ANO3: variants seen among roughly 807,000 people sequenced by gnomAD.
ANO3 encodes anoctamin 3.
A neutral mutation model predicts 144.8 loss-of-function variants in ANO3; 99 were observed. The ratio of observed to expected loss-of-function variants is 0.68; its 90% CI spans 0.58 to 0.81. The LOEUF is 0.81. Among genes scored for constraint, ANO3 ranks in the 30% least tolerant of loss-of-function variants. The pLI, the probability that ANO3 is intolerant of heterozygous loss-of-function variation, is 0.00. For synonymous variants in ANO3, 414 were observed against 392.6 expected, an observed-to-expected ratio of 1.05 and a Z score of -0.64; for missense variants, 905 against 1,202.2, an observed-to-expected ratio of 0.75 and a Z score of 3.66.
At chr11:26,610,829 T>G (rs1380505245) in intron 17 of ANO3, among the ~76,000 whole-genome samples, 1 of 152,140 alleles carries the variant, frequency 6.6e-6, no homozygotes, top group African/African-American at 2.4e-5. Context: ...ATTATTGGAG[T>G]GTCCAGATCT....
At chr11:26,214,112 T>G (rs1319381274) in intron 1 of ANO3, among the ~76,000 whole-genome samples, 4 of 151,970 alleles carry the variant, frequency 2.6e-5, no homozygotes, top group Non-Finnish European at 5.9e-5. Context: ...TTTCCAAATA[T>G]TTTTCCATGA....
chr11:26,350,611 T>C (rs1020406736), intron 1 of ANO3, among the ~76,000 whole-genome samples: 14 of 152,184 alleles, frequency 9.2e-5, no homozygotes, highest in African/African-American at 2.9e-4. Flanking sequence ...TTCAATCTTT[T>C]TTAAAGTTTC....
intron 12 of ANO3, among the ~76,000 whole-genome samples, chr11:26,548,951 GAAAA>G (rs5790587): frequency 0.054 from 7,873 of 146,886 alleles, 263 homozygotes; most frequent in Admixed American, 0.097. Flanking sequence ...CAATGAATTG[GAAAA>G]AAAAAAAAAA....
chr11:26,628,678 C>T (rs1033490317), intron 18 of ANO3, among the ~76,000 whole-genome samples: 1 of 152,138 alleles, frequency 6.6e-6, no homozygotes, highest in Non-Finnish European at 1.5e-5. Flanking sequence ...GCCACATAGC[C>T]TTTTACTCCA....
intron 1 of ANO3, among the ~76,000 whole-genome samples, chr11:26,375,206 T>C (rs1356740134): frequency 6.6e-6 from 1 of 152,164 alleles, no homozygotes; most frequent in Non-Finnish European, 1.5e-5. Context: ...ACAATCCACA[T>C]CACTCACATG....
intron 1 of ANO3, among the ~76,000 whole-genome samples, chr11:26,273,035 A>G (rs1346329294): frequency 6.6e-6 from 1 of 152,172 alleles, no homozygotes; most frequent in Non-Finnish European, 1.5e-5. Context: ...GAGCGTACTT[A>G]ATGAAATACC....
intron 4 of ANO3, among the ~76,000 whole-genome samples, chr11:26,488,114 T>C (rs4032917): frequency 0.93 from 140,947 of 152,118 alleles, 65,609 homozygotes; most frequent in South Asian, 0.97. Context: ...TGCAGTGAGC[T>C]GAGATTGCAC....
intron 21 of ANO3, among the ~76,000 whole-genome samples, chr11:26,641,385 C>A (rs1338299671): frequency 6.6e-6 from 1 of 152,176 alleles, no homozygotes; most frequent in Non-Finnish European, 1.5e-5. Context: ...TTTTGAAATC[C>A]TACCCAAGGG....
At chr11:26,450,774 T>C (rs578105013) in intron 3 of ANO3, among the ~76,000 whole-genome samples, 8 of 152,324 alleles carry the variant, frequency 5.3e-5, no homozygotes, top group African/African-American at 1.9e-4. Flanking sequence ...TACTCACACA[T>C]TTAAAATTCT....
chr11:26,289,991 G>A (rs117803282), intron 1 of ANO3, among the ~76,000 whole-genome samples: 3,240 of 152,020 alleles, frequency 0.021, 57 homozygotes, highest in East Asian at 0.12. Flanking sequence ...AATGGTATCA[G>A]CTCCTGTTTG....
chr11:26,573,634 G>A (rs1850910839), intron 14 of ANO3, among the ~76,000 whole-genome samples: 1 of 152,050 alleles, frequency 6.6e-6, no homozygotes. Flanking sequence ...CATAAACATT[G>A]CAATGCACTT....
At position 26,289,523 on chromosome 11, in the gene ANO3, T is replaced by C. The variant is rs574431647; in HGVS notation, c.155-20122T>C. ...GATTCTAAGTATATATGTACATATATACATATATAGAATATATATATTCTA... is the reference window on the plus strand; with the variant it reads ...GATTCTAAGTATATATGTACATATACACATATATAGAATATATATATTCTA... On this transcript the variant is annotated intron_variant, in intron 1 of 27. Transcript: ENST00000672621. Among the ~76,000 whole-genome samples the C allele has an allele frequency of 3.2e-3, 458 of 142,868 alleles. 16 individuals carry two copies. The highest frequency in any genetic ancestry group is 0.012 in the African/African-American group (434 of 37,524). 93.7% of individuals were successfully genotyped at this position (142,868 alleles called of 152,430 possible).
Position 26,480,135 on chromosome 11 carries a change from AAC to A in ANO3, c.432+16989_432+16990del, listed in dbSNP as rs2134086424. ...GTCTGAGGACAGTAGGGATTTATAT[AAC>A]AGTCTCATGCAGAAACTTCTAATGC... On this transcript the variant is annotated intron_variant, in intron 4 of 26. Coordinates refer to ENST00000256737, the MANE Select transcript of ANO3 (RefSeq NM_031418.4). Among the ~76,000 whole-genome samples, 3 of 152,302 alleles carry A rather than the reference AAC, an allele frequency of 2.0e-5. No individual in the cohort carries two copies. In the East Asian group the frequency reaches 5.8e-4, roughly 29 times the overall value.
intron 1 of ANO3, among the ~76,000 whole-genome samples, chr11:26,346,302 A>T (rs2133906404): frequency 6.6e-6 from 1 of 152,310 alleles, no homozygotes; most frequent in Admixed American, 6.5e-5. Context: ...ATGAGGAATA[A>T]TTTTAGCAAA....
At chr11:26,260,047 CTTTTTTTTT>C (rs768969943) in intron 1 of ANO3, among the ~76,000 whole-genome samples, 1 of 129,772 alleles carries the variant, frequency 7.7e-6, no homozygotes, top group African/African-American at 2.8e-5. Context: ...TTTTAAAGTG[CTTTTTTTTT>C]TTTTTTTTTG....
chr11:26,251,864 C>A (rs925738853), intron 1 of ANO3, among the ~76,000 whole-genome samples: 8 of 152,188 alleles, frequency 5.3e-5, no homozygotes, highest in African/African-American at 1.4e-4. Context: ...ATGGGGGAAA[C>A]TGCCCCCTTG....
At chr11:26,478,373 C>G (rs904418032) in intron 4 of ANO3, among the ~76,000 whole-genome samples, 2 of 152,078 alleles carry the variant, frequency 1.3e-5, no homozygotes, top group African/African-American at 2.4e-5. Context: ...CACTTTAGGT[C>G]AAAGAGATAA....
In ANO3 at chr11:26,412,723, C is replaced by T. The variant is rs138984587; in HGVS notation, c.47-29195C>T. ...ATAATTGTAAGGCAAATAGAAATTA[C>T]CAGTATTAGTTAAGCATATTAGGTG... On this transcript the variant is annotated intron_variant, in intron 1 of 26. Transcript: ENST00000256737. Among the ~76,000 whole-genome samples the T allele has an allele frequency of 1.8e-3, 275 of 150,226 alleles. 1 individual carries two copies. Among genetic ancestry groups the T allele is most frequent in the Non-Finnish European group, 3.0e-3 (202 of 67,704 alleles).
intron 4 of ANO3, among the ~76,000 whole-genome samples, chr11:26,492,513 T>C (rs1256711922): frequency 6.6e-6 from 1 of 152,192 alleles, no homozygotes; most frequent in Non-Finnish European, 1.5e-5. Context: ...AGATAGTGAT[T>C]TATCATTTAA....
Sources: gnomAD v4.1 joint callset for allele counts (sites outside exome capture counted in the v4.1 genomes callset) on GRCh38, gnomAD v4.1.1 for gene constraint, MANE v1.5 for transcripts, NCBI Gene and HGNC (gene_info 2026-07-23, HGNC 2026-07-21) for gene names.